ERCC4: variants seen among roughly 807,000 people sequenced by gnomAD.
ERCC4 encodes the protein DNA repair endonuclease XPF.
Under a neutral mutation model 76.9 loss-of-function variants are expected in ERCC4, and 65 were observed. That is an observed-to-expected ratio of 0.84 (90% CI 0.69 to 1.04). The LOEUF is 1.04. ERCC4 is among the 50% of genes least tolerant of loss of function. ERCC4 has a pLI of 0.00. For synonymous variants in ERCC4, 463 were observed against 410.1 expected, an observed-to-expected ratio of 1.13 and a Z score of -1.56; for missense variants, 1,214 against 1,128.2, an observed-to-expected ratio of 1.08 and a Z score of -1.09.
chr16:13,940,935 G>A (rs1026721469), intron 9 of ERCC4, among the ~76,000 whole-genome samples: 8 of 152,184 alleles, frequency 5.3e-5, no homozygotes, highest in African/African-American at 1.7e-4. Flanking sequence ...TAGAATGGGA[G>A]GAAGACAGCA....
intron 10 of ERCC4, 137 bp from the exon 11 acceptor site, chr16:13,947,477 A>G (rs766870798): frequency 9.4e-6 from 9 of 961,288 alleles, no homozygotes; most frequent in Non-Finnish European, 1.4e-5. Flanking sequence ...AAAATATAGA[A>G]ATTATATGGA....
chr16:13,931,107 T>C lies in ERCC4; in HGVS notation c.973+217T>C, dbSNP rs1677099616. On this transcript the variant is annotated intron_variant, in intron 5 of 10. Transcript: ENST00000311895. ...TTCTGTATAATAATAAATATTCATA[T>C]CCGTTCCGGGCAATTTTATTTCTAG... 4.0e-5 allele frequency: 22 copies of C among 556,400 alleles called. 1 individual carries two copies. In the East Asian group the frequency reaches 6.7e-4, roughly 17 times the overall value. The allele number at this position is 556,400 out of a possible 1,614,324, so 34.5% of individuals were successfully genotyped here.
chr16:13,939,132 G>A (rs557691794), intron 9 of ERCC4, among the ~76,000 whole-genome samples: 4 of 152,270 alleles, frequency 2.6e-5, no homozygotes, highest in South Asian at 2.1e-4. Flanking sequence ...TTCAGAAATC[G>A]TGTTATAACA....
chr16:13,925,142 T>G (rs1199275334), intron 2 of ERCC4, among the ~76,000 whole-genome samples: 1 of 152,194 alleles, frequency 6.6e-6, no homozygotes, highest in East Asian at 1.9e-4. Flanking sequence ...TCATAACAAT[T>G]AAATGAAATG....
chr16:13,943,939 T>C (rs986301425), intron 9 of ERCC4: 15 of 152,242 alleles, frequency 9.9e-5, no homozygotes, highest in African/African-American at 3.4e-4. Flanking sequence ...TAGTTCCAAA[T>C]TGCGAATCTT....
chr16:13,921,461 G>A (rs2031974624), intron 1 of ERCC4, among the ~76,000 whole-genome samples: 1 of 152,146 alleles, frequency 6.6e-6, no homozygotes, highest in South Asian at 2.1e-4. Context: ...GTCTCTTTGA[G>A]GGCAGGGATC....
At chr16:13,942,150 G>T (rs1302109429) in intron 9 of ERCC4, among the ~76,000 whole-genome samples, 1 of 152,186 alleles carries the variant, frequency 6.6e-6, no homozygotes, top group African/African-American at 2.4e-5. Context: ...GCAGAAATAG[G>T]AATCTGAATT....
rs2032560251 is a variant in ERCC4, at chr16:13,948,185, C to T, written c.2589C>T (p.Cys863=). The stretch of plus-strand genomic sequence containing the variant: ...TGCCAGGGGTGAATGCCAAAAACTG[C>T]CGCTCCTTGATGCACCACGTTAAGA... ...LKMPGVNAKN[C]RSLMHHVKNI... Residue 863 remains cysteine, a synonymous_variant, in exon 11 of 11, where the codon TGC becomes TGT. Transcript: ENST00000311895. 1.2e-6 allele frequency: 2 copies of T among 1,614,038 alleles called. No individual in the cohort carries two copies. Among genetic ancestry groups the T allele is most frequent in the East Asian group, 2.2e-5 (1 of 44,892 alleles).
In ERCC4 at chr16:13,948,584, T is replaced by C; in HGVS notation, c.*237T>C. Reference sequence around the variant, plus strand: ...CCGTCTATGCCGGGCTTAGCATGTTTCTTTTTAAATGAGGTTTGTCAGGAT... The same window carrying C: ...CCGTCTATGCCGGGCTTAGCATGTTCCTTTTTAAATGAGGTTTGTCAGGAT... On this transcript the variant is annotated 3_prime_UTR_variant, in exon 11 of 11. Transcript: ENST00000311895. The C allele has an allele frequency of 1.3e-4, 68 of 529,546 alleles. No homozygotes were observed. Among genetic ancestry groups the C allele is most frequent in the South Asian group, 3.8e-4 (18 of 46,926 alleles). The allele number at this position is 529,546 out of a possible 1,614,324, so 32.8% of individuals were successfully genotyped here. A position where few individuals can be genotyped will look rare whatever the true frequency, so the allele number is the denominator to read the frequency against.
intron 9 of ERCC4, among the ~76,000 whole-genome samples, chr16:13,941,305 C>T (rs1200293926): frequency 6.6e-6 from 1 of 152,038 alleles, no homozygotes; most frequent in African/African-American, 2.4e-5. Flanking sequence ...TAAGATCTTC[C>T]CATTTTACCC....
At chr16:13,927,557 C>CAAAAA (rs527349868) in intron 3 of ERCC4, 8 of 52,138 alleles carry the variant, frequency 1.5e-4, no homozygotes, top group African/African-American at 4.2e-4. Context: ...AACTCCATCT[C>CAAAAA]AAAAAAAAAA....
At chr16:13,947,047 C>A (rs534279622) in intron 10 of ERCC4, among the ~76,000 whole-genome samples, 4 of 152,190 alleles carry the variant, frequency 2.6e-5, no homozygotes, top group Non-Finnish European at 5.9e-5. Context: ...CAGGCGTGAG[C>A]CACCGCGCCC....
At position 13,950,378 on chromosome 16, in the gene ERCC4, G is replaced by A; in HGVS notation, c.*2031G>A. On this transcript the variant is annotated 3_prime_UTR_variant, in exon 11 of 11. Coordinates refer to ENST00000311895, the MANE Select transcript of ERCC4 (RefSeq NM_005236.3). ...CTCTACACAAGGGTATAACCAGAAT[G>A]AATTGAGGGGTATCAAGAACCAGAT... 1 of 187,206 alleles carries A rather than the reference G, an allele frequency of 5.3e-6. No homozygotes were observed. The highest frequency in any genetic ancestry group is 1.1e-5 in the Non-Finnish European group (1 of 88,642). The allele number at this position is 187,206 out of a possible 1,614,324, so 11.6% of individuals were successfully genotyped here. A position where few individuals can be genotyped will look rare whatever the true frequency, so the allele number is the denominator to read the frequency against.
At position 13,948,813 on chromosome 16, in the gene ERCC4, T is replaced by G. The variant is rs534595915; in HGVS notation, c.*466T>G. ...CTTAATTGCACTTATACCCATGTCC[T>G]GTGGCTCTCCAAATCTGGTCTTTGC... is the stretch of plus-strand genomic sequence containing the variant. On this transcript the variant is annotated 3_prime_UTR_variant, in exon 11 of 11. Coordinates refer to ENST00000311895, the MANE Select transcript of ERCC4 (RefSeq NM_005236.3). The G allele has an allele frequency of 4.3e-6, 1 of 233,124 alleles. No homozygotes were observed. The highest frequency in any genetic ancestry group is 2.2e-5 in the African/African-American group (1 of 45,446). 14.4% of individuals were successfully genotyped at this position (233,124 alleles called of 1,614,324 possible).
At chr16:13,932,599 A>G in intron 6 of ERCC4, 1 of 450,092 alleles carries the variant, frequency 2.2e-6, no homozygotes, top group Non-Finnish European at 3.9e-6. Flanking sequence ...TTAGAACTTC[A>G]AAGTAATTAT....
chr16:13,920,422 C>CGG (rs1479366304), intron 1 of ERCC4, 50 bp downstream of exon 1: 35 of 1,482,210 alleles, frequency 2.4e-5, no homozygotes, highest in Non-Finnish European at 3.0e-5. Context: ...GTGTTGAGGG[C>CGG]CTCCTGAGCG....
chr16:13,939,296 G>C (rs1331435875), intron 9 of ERCC4, among the ~76,000 whole-genome samples: 1 of 152,126 alleles, frequency 6.6e-6, no homozygotes, highest in Non-Finnish European at 1.5e-5. Context: ...TAATATTAAA[G>C]TGCTGAGGTT....
chr16:13,947,482 T>C, intron 10 of ERCC4, 132 bp from the exon 11 acceptor site: 1 of 976,686 alleles, frequency 1.0e-6, no homozygotes, highest in Non-Finnish European at 1.6e-6. Flanking sequence ...ATAGAAATTA[T>C]ATGGAATATT....
At chr16:13,930,622 G>A in intron 4 of ERCC4, 88 bp from the exon 5 acceptor site, 1 of 990,256 alleles carries the variant, frequency 1.0e-6, no homozygotes, top group Non-Finnish European at 1.6e-6. Context: ...TAGATACACA[G>A]GAAATAATCC....
Sources: gnomAD v4.1 joint callset for allele counts (sites outside exome capture counted in the v4.1 genomes callset) on GRCh38, gnomAD v4.1.1 for gene constraint, MANE v1.5 for transcripts, NCBI Gene and HGNC (gene_info 2026-07-23, HGNC 2026-07-21) for gene names.